CLPB: variants seen among roughly 807,000 people sequenced by gnomAD.
The protein encoded by CLPB is mitochondrial disaggregase.
Under a neutral mutation model 78.4 loss-of-function variants are expected in CLPB, and 40 were observed. The ratio of observed to expected loss-of-function variants is 0.51; its 90% CI spans 0.40 to 0.66. The LOEUF (loss-of-function observed/expected upper bound fraction) is 0.66. Ranked by LOEUF, CLPB falls within the 30% of genes least tolerant of loss-of-function variation. The pLI is 0.00. For synonymous variants in CLPB, 333 were observed against 348.0 expected (o/e 0.96, Z 0.48); for missense variants, 780 against 886.9 (o/e 0.88, Z 1.53).
Position 72,434,383 on chromosome 11 carries a change from C to T in CLPB, c.92G>A (p.Gly31Asp). The change falls in exon 1 of 16, where the codon GGT becomes GAT. Residue 31 changes from glycine to aspartate, a missense_variant. Gly to Asp is a moderately conservative substitution (Grantham distance 94, BLOSUM62 -1). Transcript: ENST00000538039. ...LRSPTLRGHGGASGRNVTTGS... is the reference protein window; with the variant it reads ...LRSPTLRGHGDASGRNVTTGS... ...AGTAGTCACATTCCGGCCGGAAGCA[C>T]CTCCATGGCCCCGGAGCGTTGGGGA... 6.2e-7 allele frequency: 1 copy of T among 1,611,268 alleles called. No homozygotes were observed. The highest frequency in any genetic ancestry group is 2.2e-5 in the East Asian group (1 of 44,828).
rs1949518822 is a variant in CLPB at position 72,294,708 on chromosome 11, C to A, written c.1487-15G>T. On this transcript the variant is annotated splice_polypyrimidine_tract_variant and intron_variant, in intron 12 of 15. Coordinates refer to ENST00000538039, the MANE Select transcript of CLPB (RefSeq NM_001258392.3). ...CTGGACATCCCCTGTGGAGAAGAAT[C>A]ATAAACTGCTTATTCCCCACATTCA... 1 of 1,608,268 alleles carries A rather than the reference C, an allele frequency of 6.2e-7. No homozygotes were observed. Among genetic ancestry groups the A allele is most frequent in the South Asian group, 1.1e-5 (1 of 90,962 alleles).
At chr11:72,405,075 A>C (rs1051011801) in intron 2 of CLPB, among the ~76,000 whole-genome samples, 1 of 152,212 alleles carries the variant, frequency 6.6e-6, no homozygotes, top group Non-Finnish European at 1.5e-5. Context: ...TCAGTCCAAG[A>C]GGCTAGAAAA....
At chr11:72,341,183 CTGT>C (rs1160667288) in intron 5 of CLPB, among the ~76,000 whole-genome samples, 3 of 152,252 alleles carry the variant, frequency 2.0e-5, no homozygotes, top group South Asian at 4.1e-4. Context: ...AAAATGGTAA[CTGT>C]TGTTATTTTT....
At chr11:72,377,087 C>G (rs1344877400) in intron 4 of CLPB, among the ~76,000 whole-genome samples, 1 of 152,078 alleles carries the variant, frequency 6.6e-6, no homozygotes, top group East Asian at 1.9e-4. Flanking sequence ...CGTTATTAGA[C>G]AGGAAAATAC....
At chr11:72,399,066 T>A (rs1049884794) in intron 3 of CLPB, among the ~76,000 whole-genome samples, 21 of 149,900 alleles carry the variant, frequency 1.4e-4, no homozygotes, top group African/African-American at 4.9e-4. Context: ...ATTTTATATA[T>A]ATAAAACCAT....
intron 6 of CLPB, among the ~76,000 whole-genome samples, chr11:72,326,519 A>G (rs1950136060): frequency 6.6e-6 from 1 of 152,212 alleles, no homozygotes; most frequent in African/African-American, 2.4e-5. Flanking sequence ...ACTTTAATAC[A>G]AGTTTTCTAT....
chr11:72,416,855 A>G (rs1363923569), intron 2 of CLPB, among the ~76,000 whole-genome samples: 2 of 152,194 alleles, frequency 1.3e-5, no homozygotes, highest in Admixed American at 1.3e-4. Context: ...GCAAATCAAA[A>G]CCACAATGAG....
Position 72,293,616 on chromosome 11 carries a change from C to A in CLPB, c.1786-1G>T, listed in dbSNP as rs777423801. 6.2e-7 allele frequency: 1 copy of A among 1,609,410 alleles called. No individual in the cohort carries two copies. The highest frequency in any genetic ancestry group is 2.2e-5 in the East Asian group (1 of 44,746). The stretch of plus-strand genomic sequence containing the variant: ...GCTGGTTCACCACACGGCGTTCTAC[C>A]TGTCGGTGGGGAGGTGAAGTGGTCA... On this transcript the variant is annotated splice_acceptor_variant, in intron 15 of 15. Transcript: ENST00000538039. LOFTEE classifies it high-confidence loss of function.
chr11:72,307,058 C>A (rs1970122543), intron 9 of CLPB, 141 bp downstream of exon 9: 5 of 663,816 alleles, frequency 7.5e-6, no homozygotes, highest in Non-Finnish European at 1.3e-5. Context: ...CAAGTTGGGG[C>A]CAGAGCTGAG....
At position 72,292,329 on chromosome 11, in the gene CLPB, AG is replaced by A. The variant is rs1172656249; in HGVS notation, c.*1037del. ...CAGTGGCTACTGTAGATGGTGCCCA[AG>A]GATGCACCAGGCCTTACTGTGCCTG... On this transcript the variant is annotated 3_prime_UTR_variant, in exon 16 of 16. Coordinates refer to ENST00000538039, the MANE Select transcript of CLPB (RefSeq NM_001258392.3). The A allele has an allele frequency of 2.0e-5, 3 of 152,338 alleles. No individual in the cohort carries two copies. Among genetic ancestry groups the A allele is most frequent in the African/African-American group, 7.2e-5 (3 of 41,566 alleles). 9.4% of individuals were successfully genotyped at this position (152,338 alleles called of 1,614,324 possible). A position where few individuals can be genotyped will look rare whatever the true frequency, so the allele number is the denominator to read the frequency against.
chr11:72,414,420 A>G (rs1276696092), intron 2 of CLPB, among the ~76,000 whole-genome samples: 1 of 152,228 alleles, frequency 6.6e-6, no homozygotes, highest in Non-Finnish European at 1.5e-5. Flanking sequence ...TGAGACACAA[A>G]AGTGGTTCAA....
chr11:72,331,765 G>T (rs1950232017), intron 5 of CLPB, among the ~76,000 whole-genome samples: 1 of 151,586 alleles, frequency 6.6e-6, no homozygotes, highest in Non-Finnish European at 1.5e-5. Context: ...GTAGAGATGG[G>T]GTTTCATCAT....
intron 9 of CLPB, 154 bp from the exon 10 acceptor site, chr11:72,302,502 C>G (rs1050872098): frequency 2.5e-5 from 17 of 685,518 alleles, no homozygotes; most frequent in Non-Finnish European, 4.5e-5. Context: ...TTCTGACTTC[C>G]TGTCTCCTTT....
chr11:72,307,083 T>A (rs778577421), intron 9 of CLPB, 116 bp downstream of exon 9: 24 of 926,154 alleles, frequency 2.6e-5, no homozygotes, highest in Non-Finnish European at 3.9e-5. Context: ...GCTTCCTGGG[T>A]CAGGGCCCAT....
intron 7 of CLPB, among the ~76,000 whole-genome samples, chr11:72,311,811 C>A (rs1949852287): frequency 6.6e-6 from 1 of 152,242 alleles, no homozygotes. Context: ...CTTCTCTGGC[C>A]AGTCCCATCG....
intron 11 of CLPB, among the ~76,000 whole-genome samples, chr11:72,300,306 A>G (rs559945598): frequency 6.6e-6 from 1 of 152,294 alleles, no homozygotes; most frequent in Non-Finnish European, 1.5e-5. Context: ...AAGACAGCGA[A>G]TGGCACACAA....
At chr11:72,414,458 T>A (rs1226860641) in intron 2 of CLPB, among the ~76,000 whole-genome samples, 1 of 152,234 alleles carries the variant, frequency 6.6e-6, no homozygotes, top group Non-Finnish European at 1.5e-5. Flanking sequence ...ACAGTGTTGG[T>A]ACTTGAGCCA....
At chr11:72,360,097 C>T (rs1480635952) in intron 4 of CLPB, among the ~76,000 whole-genome samples, 2 of 152,242 alleles carry the variant, frequency 1.3e-5, no homozygotes, top group African/African-American at 4.8e-5. Context: ...CTCTCCCCTG[C>T]TCAGGCAATG....
At chr11:72,402,388 C>T (rs777646154) in intron 3 of CLPB, among the ~76,000 whole-genome samples, 3 of 152,202 alleles carry the variant, frequency 2.0e-5, no homozygotes, top group Non-Finnish European at 4.4e-5. Flanking sequence ...ACAAAATGAG[C>T]ATAATATATA....
Sources: gnomAD v4.1 joint callset for allele counts (sites outside exome capture counted in the v4.1 genomes callset) on GRCh38, gnomAD v4.1.1 for gene constraint, MANE v1.5 for transcripts, NCBI Gene and HGNC (gene_info 2026-07-23, HGNC 2026-07-21) for gene names.